The following HNF4A variants were observed in gnomAD, a reference collection of about 807,000 sequenced individuals.
HNF4A encodes the protein hepatocyte nuclear factor 4 alpha, also known as hepatocyte nuclear factor 4-alpha.
A neutral mutation model predicts 52.4 loss-of-function variants in HNF4A; 15 were observed. The ratio of observed to expected loss-of-function variants is 0.29; its 90% CI spans 0.19 to 0.44. The LOEUF (loss-of-function observed/expected upper bound fraction) is 0.44. Ranked by LOEUF, HNF4A falls within the 20% of genes least tolerant of loss-of-function variation. The pLI is 1.00. For missense variants in HNF4A, 479 were observed against 647.2 expected, an observed-to-expected ratio of 0.74 and a Z score of 2.82; for synonymous variants, 280 against 264.4, an observed-to-expected ratio of 1.06 and a Z score of -0.57.
chr20:44,371,422 C>T (rs1482369185), intron 1 of HNF4A, among the ~76,000 whole-genome samples: 3 of 152,132 alleles, frequency 2.0e-5, no homozygotes, highest in African/African-American at 7.2e-5. Flanking sequence ...GGATTACAGG[C>T]GCGTGCCACT....
intron 1 of HNF4A, among the ~76,000 whole-genome samples, chr20:44,363,164 C>G (rs2062936022): frequency 6.6e-6 from 1 of 152,050 alleles, no homozygotes; most frequent in African/African-American, 2.4e-5. Flanking sequence ...CCGACCCAAT[C>G]TTTTTTGCCT....
chr20:44,417,506 T>G (rs552581258), intron 5 of HNF4A, among the ~76,000 whole-genome samples: 4 of 152,326 alleles, frequency 2.6e-5, no homozygotes, highest in Non-Finnish European at 5.9e-5. Context: ...GTTCTTGTAA[T>G]GCCCTCTCAG....
chr20:44,380,554 A>G (rs1157097110), intron 1 of HNF4A, among the ~76,000 whole-genome samples: 1 of 152,168 alleles, frequency 6.6e-6, no homozygotes, highest in Non-Finnish European at 1.5e-5. Context: ...TCTGCCTCAC[A>G]AAGTGGTGAG....
chr20:44,394,689 C>A, intron 1 of HNF4A, among the ~76,000 whole-genome samples: 1 of 152,194 alleles, frequency 6.6e-6, no homozygotes, highest in East Asian at 1.9e-4. Context: ...GACTCTTGAG[C>A]AAAGCCTCTT....
chr20:44,378,726 G>A (rs756295184), intron 1 of HNF4A, among the ~76,000 whole-genome samples: 30 of 151,768 alleles, frequency 2.0e-4, no homozygotes, highest in African/African-American at 4.6e-4. Context: ...GAGAAACCTC[G>A]TCTCTACTAA....
At chr20:44,364,972 G>A (rs2062956097) in intron 1 of HNF4A, among the ~76,000 whole-genome samples, 1 of 152,182 alleles carries the variant, frequency 6.6e-6, no homozygotes, top group South Asian at 2.1e-4. Context: ...CCAAATGCAA[G>A]GGGGTCTGGA....
intron 8 of HNF4A, among the ~76,000 whole-genome samples, chr20:44,425,993 A>G (rs901523919): frequency 2.0e-5 from 3 of 152,126 alleles, no homozygotes. Context: ...TGAGATGACT[A>G]TTACAAATCC....
rs141975531 is a variant in HNF4A, at chr20:44,411,622, G to A, written c.386-2072G>A. Among the ~76,000 whole-genome samples the A allele has an allele frequency of 2.8e-3, 433 of 152,286 alleles. 4 individuals are homozygous for A. The highest frequency in any genetic ancestry group is 0.01 in the African/African-American group (416 of 41,568). ...GTCTGAGAGGAGGTTGCTTGCCTCT[G>A]GACTTCTGTTCTATCCACTGACTCC... On this transcript the variant is annotated intron_variant, in intron 3 of 9. Coordinates refer to ENST00000316099, the MANE Select transcript of HNF4A (RefSeq NM_000457.6).
At position 44,428,423 on chromosome 20, in the gene HNF4A, C is replaced by A; in HGVS notation, c.1218C>A (p.Asn406Lys). 6.2e-7 allele frequency: 1 copy of A among 1,614,192 alleles called. No homozygotes were observed. The highest frequency in any genetic ancestry group is 8.5e-7 in the Non-Finnish European group (1 of 1,180,012). Residue 406 changes from asparagine to lysine, a missense_variant, in exon 9 of 10, where the codon AAC becomes AAA. This residue lies in a region of HNF4A where 389 missense variants were observed against 525.1 expected (regional missense o/e 0.74). Coordinates refer to ENST00000316099, the MANE Select transcript of HNF4A (RefSeq NM_000457.6). ...TGGGAACCAACGTCATCGTTGCCAA[C>A]ACAATGCCCACTCACCTCAGCAACG...
intron 1 of HNF4A, among the ~76,000 whole-genome samples, chr20:44,388,270 G>A (rs1208302624): frequency 1.3e-5 from 2 of 149,808 alleles, no homozygotes; most frequent in Non-Finnish European, 3.0e-5. Flanking sequence ...TTTTCATAAT[G>A]GGTATGACAT....
intron 1 of HNF4A, chr20:44,390,767 G>A (rs2063293171): frequency 9.0e-6 from 6 of 667,680 alleles, no homozygotes; most frequent in African/African-American, 3.5e-5. Context: ...TCCAGACTGG[G>A]AGCAGTGTGG....
intron 3 of HNF4A, among the ~76,000 whole-genome samples, chr20:44,410,152 G>A (rs976585178): frequency 1.3e-5 from 2 of 152,206 alleles, no homozygotes; most frequent in Non-Finnish European, 2.9e-5. Context: ...TTCTTGAGCT[G>A]CTGCAAAGCC....
At position 44,414,547 on chromosome 20, in the gene HNF4A, C is replaced by G. The variant is rs371827863; in HGVS notation, c.533C>G (p.Ala178Gly). 1.2e-6 allele frequency: 2 copies of G among 1,614,098 alleles called. No individual in the cohort carries two copies. Residue 178 changes from alanine to glycine, a missense_variant, in exon 5 of 10, where the codon GCG (alanine) becomes GGG (glycine). Physicochemically the swap from Ala to Gly is moderately conservative, Grantham distance 60. This residue lies in a region of HNF4A where 389 missense variants were observed against 525.1 expected (regional missense o/e 0.74). Coordinates refer to ENST00000316099, the MANE Select transcript of HNF4A (RefSeq NM_000457.6). Reference sequence around the variant, plus strand: ...TCCGGGATCAACGGCGACATTCGGGCGAAGAAGATTGCCAGCATCGCAGAT... The same window carrying G: ...TCCGGGATCAACGGCGACATTCGGGGGAAGAAGATTGCCAGCATCGCAGAT...
At chr20:44,355,961 G>A (rs745999708) in intron 1 of HNF4A, 108 bp downstream of exon 1, 77 of 985,492 alleles carry the variant, frequency 7.8e-5, no homozygotes, top group Non-Finnish European at 1.5e-5. Context: ...TCCTCCTGGA[G>A]CTCCTCTGGA....
chr20:44,368,160 A>ATATATATATATATT (rs1200638153), intron 1 of HNF4A, among the ~76,000 whole-genome samples: 2 of 27,780 alleles, frequency 7.2e-5, no homozygotes, highest in African/African-American at 1.5e-4. Context: ...ATATATATAT[A>ATATATATATATATT]TTTTTTTTTT....
rs11484360 is a variant in HNF4A at position 44,388,372 on chromosome 20, A to ACCCCCC, written c.50-17683_50-17678dup. Among the ~76,000 whole-genome samples the ACCCCCC allele has an allele frequency of 1.6e-3, 143 of 89,416 alleles. 5 individuals carry two copies. Among genetic ancestry groups the ACCCCCC allele is most frequent in the African/African-American group, 8.4e-3 (102 of 12,080 alleles). The allele number at this position is 89,416 out of a possible 152,430, so 58.7% of individuals were successfully genotyped here. On this transcript the variant is annotated intron_variant, in intron 1 of 9. Coordinates refer to the HNF4A transcript ENST00000316673. ...ACAAAGCCTGGAACCTTCCTCAAAG[A>ACCCCCC]CCCCCCCCACCCCCGTACATTGGAA... is the stretch of plus-strand genomic sequence containing the variant.
intron 3 of HNF4A, among the ~76,000 whole-genome samples, chr20:44,412,633 C>G (rs761614090): frequency 8.5e-5 from 13 of 152,064 alleles, no homozygotes; most frequent in Non-Finnish European, 1.9e-4. Flanking sequence ...CTGAGAGGAA[C>G]ACAGACTGCA....
chr20:44,393,579 C>T (rs972684207), intron 1 of HNF4A, among the ~76,000 whole-genome samples: 2 of 152,208 alleles, frequency 1.3e-5, no homozygotes, highest in African/African-American at 4.8e-5. Context: ...GGGTATATGG[C>T]TCAACCTCCC....
At chr20:44,426,570 G>A (rs183760748) in intron 8 of HNF4A, among the ~76,000 whole-genome samples, 8 of 152,180 alleles carry the variant, frequency 5.3e-5, no homozygotes, top group Admixed American at 3.9e-4. Flanking sequence ...TTGGGAGGCC[G>A]AGGCGGGTGG....
Sources: gnomAD v4.1 joint callset for allele counts (sites outside exome capture counted in the v4.1 genomes callset) on GRCh38, gnomAD v4.1.1 for gene constraint, gnomAD v4.1.1 regional missense constraint, MANE v1.5 for transcripts, NCBI Gene and HGNC (gene_info 2026-07-23, HGNC 2026-07-21) for gene names.